The following SARNP variants were observed in gnomAD, a reference collection of about 807,000 sequenced individuals.
SARNP encodes the protein SAP domain-containing ribonucleoprotein.
A neutral mutation model predicts 38.1 loss-of-function variants in SARNP; 5 were observed. The observed-to-expected ratio is 0.13, with a 90% confidence interval of 0.07 to 0.28. The LOEUF (loss-of-function observed/expected upper bound fraction) is 0.28, where lower values mean the gene tolerates loss of function less well. Ranked by LOEUF, SARNP falls within the 10% of genes least tolerant of loss-of-function variation. The probability of loss-of-function intolerance (pLI) is 1.00; values close to 1 mark genes in which losing one functional copy is unlikely to be tolerated. For synonymous variants in SARNP, 84 were observed against 80.6 expected, an observed-to-expected ratio of 1.04 and a Z score of -0.23; for missense variants, 180 against 243.9, an observed-to-expected ratio of 0.74 and a Z score of 1.75.
intron 1 of SARNP, among the ~76,000 whole-genome samples, chr12:55,815,727 G>A (rs973486345): frequency 2.0e-5 from 3 of 152,212 alleles, no homozygotes; most frequent in African/African-American, 7.2e-5. Context: ...GCCTCCCAAA[G>A]TGCTAGGATT....
At chr12:55,817,475 G>A (rs924953690) in intron 1 of SARNP, among the ~76,000 whole-genome samples, 191 bp downstream of exon 1, 1 of 152,204 alleles carries the variant, frequency 6.6e-6, no homozygotes, top group African/African-American at 2.4e-5. Flanking sequence ...AAATATAGCA[G>A]TAAAGCCGTG....
At chr12:55,756,505 C>T (rs980340171), downstream of SARNP, 2 of 152,154 alleles carry the variant, frequency 1.3e-5, no homozygotes, top group Non-Finnish European at 2.9e-5. Flanking sequence ...TACACCACAG[C>T]AACATGGGAC....
intron 5 of SARNP, 123 bp downstream of exon 5, chr12:55,795,901 AC>A (rs1288794045): frequency 2.9e-6 from 2 of 686,012 alleles, no homozygotes; most frequent in African/African-American, 3.6e-5. Context: ...ACGTATCAAC[AC>A]CAAAATCTGC....
chr12:55,808,463 G>A (rs1276817217), intron 1 of SARNP, among the ~76,000 whole-genome samples: 1 of 152,018 alleles, frequency 6.6e-6, no homozygotes. Context: ...TTACACACAC[G>A]CGCCACCATG....
chr12:55,763,396 C>T (rs1878735114), intron 9 of SARNP, among the ~76,000 whole-genome samples: 1 of 151,860 alleles, frequency 6.6e-6, no homozygotes, highest in Non-Finnish European at 1.5e-5. Flanking sequence ...AATGCAGTCT[C>T]CACCTTCCAG....
chr12:55,809,024 T>C (rs1430468228), intron 1 of SARNP, among the ~76,000 whole-genome samples: 3 of 151,760 alleles, frequency 2.0e-5, no homozygotes, highest in Non-Finnish European at 4.4e-5. Context: ...CTGGACAATA[T>C]GTTGAAATCC....
intron 9 of SARNP, among the ~76,000 whole-genome samples, chr12:55,778,303 C>T (rs578101158): frequency 1.6e-4 from 24 of 152,110 alleles, no homozygotes; most frequent in Non-Finnish European, 3.4e-4. Context: ...TGAGCCAACA[C>T]ACTCAGCTAA....
chr12:55,797,997 C>A (rs1280993667), intron 4 of SARNP, among the ~76,000 whole-genome samples: 1 of 152,146 alleles, frequency 6.6e-6, no homozygotes, highest in Non-Finnish European at 1.5e-5. Flanking sequence ...TTCAAACTTT[C>A]GAACCTCTAT....
intron 1 of SARNP, among the ~76,000 whole-genome samples, chr12:55,804,450 A>G (rs1320244345): frequency 1.3e-5 from 2 of 152,156 alleles, no homozygotes; most frequent in Non-Finnish European, 2.9e-5. Context: ...AGGACTAATA[A>G]TAAGCCAAAA....
At chr12:55,786,714 G>A (rs1373482895) in intron 9 of SARNP, among the ~76,000 whole-genome samples, 2 of 152,150 alleles carry the variant, frequency 1.3e-5, no homozygotes, top group African/African-American at 4.8e-5. Flanking sequence ...CTCCCAAAGT[G>A]CTGGGATTAC....
intron 9 of SARNP, among the ~76,000 whole-genome samples, chr12:55,766,717 G>C (rs766274209): frequency 1.4e-5 from 2 of 144,702 alleles, no homozygotes; most frequent in Non-Finnish European, 3.0e-5. Flanking sequence ...CCACCTCCCA[G>C]GCTCAAGGGA....
chr12:55,792,928 T>C (rs1376633340), intron 7 of SARNP: 1 of 151,308 alleles, frequency 6.6e-6, no homozygotes, highest in Non-Finnish European at 1.5e-5. Context: ...CAACTGATCC[T>C]CCCGGCTTGG....
At chr12:55,774,559 G>GA (rs71074857) in intron 9 of SARNP, among the ~76,000 whole-genome samples, 6 of 85,884 alleles carry the variant, frequency 7.0e-5, no homozygotes, top group Non-Finnish European at 8.2e-5. Context: ...CGTCTCTACT[G>GA]AAAAAAAAAA....
intron 9 of SARNP, among the ~76,000 whole-genome samples, chr12:55,779,972 C>A (rs140800393): frequency 6.3e-4 from 96 of 152,168 alleles, no homozygotes; most frequent in African/African-American, 2.2e-3. Flanking sequence ...CACAGTGAGA[C>A]CCTGTCTCCA....
chr12:55,813,511 C>T (rs1190526482), intron 1 of SARNP, among the ~76,000 whole-genome samples: 3 of 148,802 alleles, frequency 2.0e-5, no homozygotes, highest in African/African-American at 7.5e-5. Context: ...ATGATTAGAA[C>T]ATGAATTTTG....
chr12:55,813,012 T>A (rs1248752530), intron 1 of SARNP, among the ~76,000 whole-genome samples: 2 of 152,082 alleles, frequency 1.3e-5, no homozygotes, highest in African/African-American at 2.4e-5. Flanking sequence ...AATGGCGCGA[T>A]CTCGGCTCCT....
At chr12:55,777,872 G>C (rs1422616746) in intron 9 of SARNP, among the ~76,000 whole-genome samples, 1 of 152,134 alleles carries the variant, frequency 6.6e-6, no homozygotes, top group Non-Finnish European at 1.5e-5. Flanking sequence ...GCCCTAGTTA[G>C]GAGAGAGAAA....
intron 9 of SARNP, among the ~76,000 whole-genome samples, chr12:55,779,238 T>C (rs1879272849): frequency 6.6e-6 from 1 of 152,220 alleles, no homozygotes; most frequent in Non-Finnish European, 1.5e-5. Flanking sequence ...TGGGGAAAAC[T>C]GATAACCTAG....
downstream of SARNP, chr12:55,755,419 T>TC (rs1026943034): frequency 6.6e-6 from 1 of 152,190 alleles, no homozygotes; most frequent in Non-Finnish European, 1.5e-5. Flanking sequence ...AAGCTAGTTC[T>TC]CCCCACAGCT....
Sources: allele counts gnomAD v4.1 joint callset (sites outside exome capture counted in the v4.1 genomes callset), GRCh38; gene constraint gnomAD v4.1.1; transcripts MANE v1.5; gene names NCBI Gene and HGNC (gene_info 2026-07-23, HGNC 2026-07-21).